DLGAP4: variants seen among roughly 807,000 people sequenced by gnomAD.
DLGAP4 encodes the protein disks large-associated protein 4.
DLGAP4 carries 18 observed loss-of-function variants against 86.9 expected under a neutral mutation model. That is an observed-to-expected ratio of 0.21 (90% confidence interval 0.14 to 0.31). DLGAP4 has a LOEUF of 0.31. Among genes scored for constraint, DLGAP4 ranks in the 10% least tolerant of loss-of-function variants. The pLI is 1.00. For missense variants in DLGAP4, 1,085 were observed against 1,362.6 expected (o/e 0.80, Z 3.21); for synonymous variants, 548 against 574.3 (o/e 0.95, Z 0.65).
intron 7 of DLGAP4, among the ~76,000 whole-genome samples, chr20:36,463,881 C>A (rs1421953160): frequency 6.6e-6 from 1 of 152,270 alleles, no homozygotes. Flanking sequence ...GCTGTTCAAG[C>A]GCCTTGTCTT....
At chr20:36,333,310 T>C (rs1201480513) in intron 1 of DLGAP4, among the ~76,000 whole-genome samples, 1 of 152,156 alleles carries the variant, frequency 6.6e-6, no homozygotes, top group Non-Finnish European at 1.5e-5. Flanking sequence ...ACATTTTTCA[T>C]ACTAAGAAGT....
intron 1 of DLGAP4, among the ~76,000 whole-genome samples, chr20:36,343,747 G>C (rs2065408357): frequency 2.0e-5 from 3 of 152,214 alleles, no homozygotes; most frequent in Admixed American, 2.0e-4. Context: ...CCTTCTCCTT[G>C]CTGGGAAACC....
chr20:36,322,611 T>A (rs1215990271), intron 1 of DLGAP4, among the ~76,000 whole-genome samples: 1 of 152,132 alleles, frequency 6.6e-6, no homozygotes, highest in African/African-American at 2.4e-5. Context: ...TTATAAATGG[T>A]AGCTCATATA....
chr20:36,496,968 A>G lies in DLGAP4; in HGVS notation c.1912A>G (p.Lys638Glu). Residue 638 changes from lysine (K) to glutamate (E), a missense_variant, in exon 8 of 13, where the codon AAA becomes GAA. Coordinates refer to ENST00000339266, the MANE Select transcript of DLGAP4 (RefSeq NM_001365621.2). The part of the protein sequence containing the change: ...PAPEAPEPPP[K>E]HAALKSEQGT... The stretch of plus-strand genomic sequence containing the variant: ...CCCTGAGGCCCCAGAGCCACCCCCA[A>G]AACATGCAGCTCTGAAAAGTGAACA... The G allele has an allele frequency of 2.5e-6, 4 of 1,614,156 alleles. No homozygotes were observed. Among genetic ancestry groups the G allele is most frequent in the Non-Finnish European group, 3.4e-6 (4 of 1,180,016 alleles).
At chr20:36,430,891 G>T (rs2033110117) in intron 2 of DLGAP4, among the ~76,000 whole-genome samples, 1 of 151,064 alleles carries the variant, frequency 6.6e-6, no homozygotes, top group Admixed American at 6.6e-5. Context: ...GGAGACGGAG[G>T]TTGCAGTGAG....
intron 1 of DLGAP4, among the ~76,000 whole-genome samples, chr20:36,340,380 C>T (rs1208156828): frequency 2.0e-5 from 3 of 152,140 alleles, no homozygotes; most frequent in African/African-American, 4.8e-5. Flanking sequence ...TGTGGTTCCC[C>T]GCACGTGGCT....
rs1202216989 is a variant in DLGAP4 at position 36,527,944 on chromosome 20, T to C, written c.*913T>C. ...CGGTGTCTGTATGTATGTGTACATA[T>C]GCACATAGACCTTAGAGTGTATAGT... is the stretch of plus-strand genomic sequence containing the variant. On this transcript the variant is annotated 3_prime_UTR_variant, in exon 13 of 13. Transcript: ENST00000339266. 6.6e-6 allele frequency: 1 copy of C among 152,608 alleles called. No individual in the cohort carries two copies. Among genetic ancestry groups the C allele is most frequent in the Non-Finnish European group, 1.5e-5 (1 of 68,044 alleles). 9.5% of individuals were successfully genotyped at this position (152,608 alleles called of 1,614,324 possible).
intron 1 of DLGAP4, among the ~76,000 whole-genome samples, chr20:36,359,329 A>G (rs145328446): frequency 1.5e-3 from 225 of 152,286 alleles, no homozygotes; most frequent in African/African-American, 5.0e-3. Flanking sequence ...CACTAGTCAC[A>G]TTTCCAATGT....
intron 4 of DLGAP4, among the ~76,000 whole-genome samples, chr20:36,438,282 G>A (rs2033343412): frequency 1.3e-5 from 2 of 151,852 alleles, no homozygotes; most frequent in Non-Finnish European, 2.9e-5. Flanking sequence ...GCTGAGGCAT[G>A]AAAATCACTT....
chr20:36,345,850 C>A (rs529011406), intron 1 of DLGAP4, among the ~76,000 whole-genome samples: 2 of 152,238 alleles, frequency 1.3e-5, no homozygotes, highest in African/African-American at 4.8e-5. Flanking sequence ...CTTGACCTCT[C>A]AGGCTCAAGT....
At position 36,368,966 on chromosome 20, in the gene DLGAP4, C is replaced by T. The variant is rs767071535; in HGVS notation, c.-73+1691C>T. Among the ~76,000 whole-genome samples, 5 of 152,312 alleles carry T rather than the reference C, an allele frequency of 3.3e-5. No homozygotes were observed. The East Asian group carries it at 5.8e-4, about 18-fold the overall frequency. On this transcript the variant is annotated intron_variant, in intron 2 of 12. Transcript: ENST00000339266. ...CCATCCAGTGCCCACCTCCACCCTC[C>T]GGGCCAGGCTCTGAGAACGCAGCAG...
At chr20:36,376,690 C>G (rs1164079743) in intron 2 of DLGAP4, among the ~76,000 whole-genome samples, 7 of 151,998 alleles carry the variant, frequency 4.6e-5, no homozygotes, top group African/African-American at 1.7e-4. Flanking sequence ...TGAATGCTGG[C>G]AAAGCTTGGG....
At chr20:36,389,606 C>T (rs1482985583) in intron 2 of DLGAP4, among the ~76,000 whole-genome samples, 2 of 152,030 alleles carry the variant, frequency 1.3e-5, no homozygotes, top group African/African-American at 4.8e-5. Flanking sequence ...TTCATTTGTT[C>T]CTTTTCTTCC....
intron 1 of DLGAP4, among the ~76,000 whole-genome samples, chr20:36,338,518 G>A (rs2065345271): frequency 6.6e-6 from 1 of 152,230 alleles, no homozygotes; most frequent in Non-Finnish European, 1.5e-5. Flanking sequence ...GTTGCAGTGA[G>A]CTGAGATCGT....
rs1277343260 is a variant in DLGAP4, at chr20:36,431,877, G to A, written c.160G>A (p.Gly54Arg). ...ARFPGQNTLP[G>R]DGLFPLNNQL... Reference sequence around the variant, plus strand: ...CTTCCCCGGGCAGAACACCCTGCCAGGAGATGGCCTCTTTCCCCTCAACAA... The same window carrying A: ...CTTCCCCGGGCAGAACACCCTGCCAAGAGATGGCCTCTTTCCCCTCAACAA... The change falls in exon 3 of 13, where the codon GGA becomes AGA. Residue 54 changes from glycine to arginine, a missense_variant. By Grantham distance (125) the Gly-to-Arg change is moderately radical (BLOSUM62 -2). Coordinates refer to ENST00000339266, the MANE Select transcript of DLGAP4 (RefSeq NM_001365621.2). The surrounding 1 kb of genome is among the most constrained non-coding windows in gnomAD (Gnocchi z 5.1). 1.2e-6 allele frequency: 2 copies of A among 1,614,140 alleles called. No homozygotes were observed. Among genetic ancestry groups the A allele is most frequent in the Non-Finnish European group, 8.5e-7 (1 of 1,179,996 alleles).
chr20:36,310,184 G>A (rs1407023732), intron 1 of DLGAP4, among the ~76,000 whole-genome samples: 61 of 764 alleles, frequency 0.08, 2 homozygotes, highest in African/African-American at 0.22. Flanking sequence ...AAAAAAAAAA[G>A]AAAGAAAGAA....
Position 36,526,491 on chromosome 20 carries a change from T to C in DLGAP4, c.2761-322T>C, listed in dbSNP as rs1012672518. 3.3e-5 allele frequency among the ~76,000 whole-genome samples: 5 copies of C among 152,106 alleles called. No homozygotes were observed. In the South Asian group the frequency reaches 8.3e-4, roughly 25 times the overall value. On this transcript the variant is annotated intron_variant, in intron 12 of 12. Transcript: ENST00000339266. ...AATGGGACCTGAAGCCCTAAATTTGTCTCTGACTGTGACTCGGGCTAGTTC... is the reference window on the plus strand; with the variant it reads ...AATGGGACCTGAAGCCCTAAATTTGCCTCTGACTGTGACTCGGGCTAGTTC...
intron 2 of DLGAP4, among the ~76,000 whole-genome samples, chr20:36,430,648 CAAAAAAAAAAA>C (rs5841233): frequency 1.4e-4 from 8 of 58,972 alleles, no homozygotes; most frequent in African/African-American, 4.4e-4. Context: ...GACCTTGTTG[CAAAAAAAAAAA>C]AAAAAAAAAA....
chr20:36,525,565 C>T (rs899689168), intron 11 of DLGAP4: 26 of 490,088 alleles, frequency 5.3e-5, no homozygotes, highest in African/African-American at 4.0e-4. Flanking sequence ...TCTGTTTCTT[C>T]CCTGCAAAAC....
Sources: allele counts gnomAD v4.1 joint callset (sites outside exome capture counted in the v4.1 genomes callset), GRCh38; gene constraint gnomAD v4.1.1; non-coding constraint Gnocchi (gnomAD v3.1); transcripts MANE v1.5; gene names NCBI Gene and HGNC (gene_info 2026-07-23, HGNC 2026-07-21).